SNX29: variants seen among roughly 807,000 people sequenced by gnomAD.
SNX29 encodes sorting nexin 29.
A neutral mutation model predicts 102.1 loss-of-function variants in SNX29; 78 were observed. The observed-to-expected ratio is 0.76, with a 90% CI of 0.64 to 0.92. The LOEUF is 0.92. Among genes scored for constraint, SNX29 ranks in the 40% least tolerant of loss-of-function variants. The probability of loss-of-function intolerance (pLI) is 0.00; values close to 1 mark genes in which losing one functional copy is unlikely to be tolerated. For missense variants in SNX29, 1,280 were observed against 1,061.7 expected (o/e 1.21, Z -2.86); for synonymous variants, 580 against 414.5 (o/e 1.40, Z -4.85).
At position 12,574,245 on chromosome 16, in the gene SNX29, A is replaced by G. The variant is rs1444388026; in HGVS notation, c.*5616A>G. On this transcript the variant is annotated 3_prime_UTR_variant, in exon 21 of 21. Coordinates refer to ENST00000566228, the MANE Select transcript of SNX29 (RefSeq NM_032167.5). Reference sequence around the variant, plus strand: ...ACCTGGTTGAGATCAACCTCTTTACAATGACACAAATTGTGACATTTTATA... The same window carrying G: ...ACCTGGTTGAGATCAACCTCTTTACGATGACACAAATTGTGACATTTTATA... The G allele has an allele frequency of 1.1e-5, 2 of 176,262 alleles. No homozygotes were observed. The highest frequency in any genetic ancestry group is 9.6e-5 in the East Asian group (1 of 10,366). 10.9% of individuals were successfully genotyped at this position (176,262 alleles called of 1,614,324 possible). A position where few individuals can be genotyped will look rare whatever the true frequency, so the allele number is the denominator to read the frequency against.
rs572550454 is a variant in SNX29, at chr16:12,156,541, G to A, written c.1595+26783G>A. 4.6e-4 allele frequency among the ~76,000 whole-genome samples: 70 copies of A among 152,338 alleles called. No individual in the cohort carries two copies. The East Asian group carries it at 0.012, about 26-fold the overall frequency. On this transcript the variant is annotated intron_variant, in intron 13 of 20. Transcript: ENST00000566228. Reference sequence around the variant, plus strand: ...CCTTGCCTCTTCCTGCCCCCAGAGAGCACCATGAAGCCCAATGAAGGTGGA... The same window carrying A: ...CCTTGCCTCTTCCTGCCCCCAGAGAACACCATGAAGCCCAATGAAGGTGGA...
intron 13 of SNX29, among the ~76,000 whole-genome samples, chr16:12,190,539 G>A (rs527965116): frequency 3.3e-5 from 5 of 152,166 alleles, no homozygotes; most frequent in Non-Finnish European, 7.3e-5. Context: ...GGCCTTTGAG[G>A]AGACACTTGC....
At chr16:12,316,169 G>C (rs2080728833) in intron 15 of SNX29, among the ~76,000 whole-genome samples, 3 of 152,212 alleles carry the variant, frequency 2.0e-5, no homozygotes, top group Admixed American at 2.0e-4. Flanking sequence ...AGGAGAGCTT[G>C]GCAGATTGGA....
intron 16 of SNX29, among the ~76,000 whole-genome samples, chr16:12,392,201 G>A (rs2083555126): frequency 6.6e-6 from 1 of 152,200 alleles, no homozygotes; most frequent in African/African-American, 2.4e-5. Context: ...GATGCCTGCT[G>A]TTCTTTTCAT....
chr16:12,529,261 A>T (rs1779940990), intron 20 of SNX29, among the ~76,000 whole-genome samples: 1 of 152,134 alleles, frequency 6.6e-6, no homozygotes, highest in Non-Finnish European at 1.5e-5. Flanking sequence ...CAAGACAAGG[A>T]ACAGATGAGT....
At chr16:12,501,429 A>C (rs1317737658) in intron 19 of SNX29, among the ~76,000 whole-genome samples, 2 of 151,988 alleles carry the variant, frequency 1.3e-5, no homozygotes, top group Non-Finnish European at 2.9e-5. Context: ...ATTATGTTTA[A>C]GACAGTGGTA....
At chr16:12,042,766 T>C (rs1276622755) in intron 4 of SNX29, 131 bp from the exon 5 acceptor site, 5 of 891,192 alleles carry the variant, frequency 5.6e-6, no homozygotes, top group Non-Finnish European at 6.8e-6. Context: ...TTTGGTGTTA[T>C]CTCCTACCTT....
intron 15 of SNX29, among the ~76,000 whole-genome samples, chr16:12,314,775 T>G (rs932799010): frequency 6.6e-6 from 1 of 152,188 alleles, no homozygotes; most frequent in South Asian, 2.1e-4. Flanking sequence ...TTGGTTCTGA[T>G]TGAAACTGTG....
chr16:12,357,599 A>G (rs1340020303), intron 16 of SNX29, among the ~76,000 whole-genome samples: 3 of 152,202 alleles, frequency 2.0e-5, no homozygotes, highest in Admixed American at 6.5e-5. Context: ...AGTGGCATTA[A>G]GTACGTTCAC....
At chr16:12,519,129 G>A (rs1263458645) in intron 19 of SNX29, among the ~76,000 whole-genome samples, 1 of 152,138 alleles carries the variant, frequency 6.6e-6, no homozygotes, top group Non-Finnish European at 1.5e-5. Context: ...ATTATTTAAA[G>A]GGAAGCCAGA....
At chr16:12,151,171 G>A (rs2055284183) in intron 13 of SNX29, among the ~76,000 whole-genome samples, 1 of 152,040 alleles carries the variant, frequency 6.6e-6, no homozygotes, top group Non-Finnish European at 1.5e-5. Flanking sequence ...CTCTTGCTTT[G>A]CTGAGCCTGT....
chr16:12,065,275 G>A (rs1241916909), intron 9 of SNX29, among the ~76,000 whole-genome samples: 2 of 152,170 alleles, frequency 1.3e-5, no homozygotes, highest in Non-Finnish European at 2.9e-5. Context: ...AGTATGTGGT[G>A]TCTATACCTG....
At chr16:12,001,273 G>A (rs556897464) in intron 2 of SNX29, among the ~76,000 whole-genome samples, 4 of 152,124 alleles carry the variant, frequency 2.6e-5, no homozygotes, top group African/African-American at 4.8e-5. Flanking sequence ...CATCACACCC[G>A]GCTAATTTTT....
At chr16:12,515,274 T>C (rs965920066) in intron 19 of SNX29, among the ~76,000 whole-genome samples, 3 of 152,190 alleles carry the variant, frequency 2.0e-5, no homozygotes, top group African/African-American at 7.2e-5. Flanking sequence ...TCCAGCTGAC[T>C]GTAAGTTCCA....
At chr16:12,094,912 G>T (rs184992614) in intron 11 of SNX29, among the ~76,000 whole-genome samples, 5 of 152,090 alleles carry the variant, frequency 3.3e-5, no homozygotes, top group South Asian at 4.2e-4. Flanking sequence ...ATGAAACTTA[G>T]GAAAAAATGA....
chr16:12,477,043 C>T (rs1304155474), intron 18 of SNX29, among the ~76,000 whole-genome samples: 2 of 152,124 alleles, frequency 1.3e-5, no homozygotes, highest in Admixed American at 1.3e-4. Flanking sequence ...TGCTACTTGC[C>T]CCTGGAAGGT....
At chr16:12,092,635 G>T (rs2052604577) in intron 11 of SNX29, among the ~76,000 whole-genome samples, 1 of 152,208 alleles carries the variant, frequency 6.6e-6, no homozygotes, top group South Asian at 2.1e-4. Flanking sequence ...CTGTGCCTCA[G>T]TTTCGCAAGC....
rs945601549 is a variant in SNX29 at position 12,169,722 on chromosome 16, A to G, written c.1596-29879A>G. On this transcript the variant is annotated intron_variant, in intron 13 of 20. Transcript: ENST00000566228. ...TAAAAATACAAAAAATTAGCCGGGA[A>G]TGGTTGTGTGTGCCTGTAATGCCAG... Among the ~76,000 whole-genome samples the G allele has an allele frequency of 9.2e-5, 14 of 152,050 alleles. 1 individual carries two copies. The highest frequency in any genetic ancestry group is 9.2e-4 in the Admixed American group (14 of 15,284).
intron 13 of SNX29, among the ~76,000 whole-genome samples, chr16:12,146,853 A>T (rs1350651283): frequency 2.0e-5 from 3 of 152,234 alleles, no homozygotes; most frequent in Non-Finnish European, 4.4e-5. Context: ...CAACAGTGGA[A>T]AGCCATATAA....
Sources: allele counts gnomAD v4.1 joint callset (sites outside exome capture counted in the v4.1 genomes callset), GRCh38; gene constraint gnomAD v4.1.1; transcripts MANE v1.5; gene names NCBI Gene and HGNC (gene_info 2026-07-23, HGNC 2026-07-21).